ZNF362: variants seen among roughly 807,000 people sequenced by gnomAD.
The protein encoded by ZNF362 is zinc finger protein 362.
Under a neutral mutation model 42.9 loss-of-function variants are expected in ZNF362, and 11 were observed. The observed-to-expected ratio is 0.26, with a 90% confidence interval of 0.16 to 0.42. The LOEUF (loss-of-function observed/expected upper bound fraction) is 0.42, where lower values mean the gene tolerates loss of function less well. Ranked by LOEUF, ZNF362 falls within the 20% of genes least tolerant of loss-of-function variation. The pLI, the probability that ZNF362 is intolerant of heterozygous loss-of-function variation, is 1.00. For synonymous variants in ZNF362, 255 were observed against 257.3 expected, an observed-to-expected ratio of 0.99 and a Z score of 0.09; for missense variants, 362 against 576.2, an observed-to-expected ratio of 0.63 and a Z score of 3.81.
chr1:33,243,355 T>C, the ZNF362 span, among the ~76,000 whole-genome samples: 30 of 151,994 alleles, frequency 2.0e-4, no homozygotes, highest in South Asian at 4.2e-4. Context: ...TTTTGTATTT[T>C]TTTTTTTTTA....
At chr1:33,146,752 G>A in the ZNF362 span, 2 of 205,050 alleles carry the variant, frequency 9.8e-6, no homozygotes, top group South Asian at 1.8e-4. Context: ...TTGGTCAGGG[G>A]TAAGTCTTAG....
At chr1:33,175,218 T>C in the ZNF362 span, among the ~76,000 whole-genome samples, 1 of 151,526 alleles carries the variant, frequency 6.6e-6, no homozygotes, top group Non-Finnish European at 1.5e-5. Flanking sequence ...TTTTTTTTTT[T>C]TTGTATTTTT....
the ZNF362 span, among the ~76,000 whole-genome samples, chr1:33,200,945 A>T: frequency 3.3e-5 from 5 of 152,190 alleles, no homozygotes; most frequent in African/African-American, 1.2e-4. Flanking sequence ...CAGAGGGAAT[A>T]TGATGTGAAG....
the ZNF362 span, chr1:33,200,132 A>C: frequency 6.6e-6 from 1 of 152,286 alleles, no homozygotes; most frequent in Non-Finnish European, 1.5e-5. Context: ...TATAAGGGTC[A>C]TATTCTGTTT....
At chr1:33,194,330 G>T in the ZNF362 span, among the ~76,000 whole-genome samples, 1 of 152,044 alleles carries the variant, frequency 6.6e-6, no homozygotes. Flanking sequence ...AAGCCCAGGA[G>T]TTGGAGACCA....
At chr1:33,174,011 TA>T in the ZNF362 span, among the ~76,000 whole-genome samples, 1 of 152,048 alleles carries the variant, frequency 6.6e-6, no homozygotes, top group East Asian at 1.9e-4. Context: ...AGCCTCTTTT[TA>T]AAAAAAATTT....
intron 6 of ZNF362, among the ~76,000 whole-genome samples, chr1:33,283,807 A>G (rs1037864819): frequency 1.3e-5 from 2 of 152,224 alleles, no homozygotes; most frequent in African/African-American, 4.8e-5. Flanking sequence ...AAGTCTGACC[A>G]TGTAAGTTAG....
chr1:33,180,224 C>T, the ZNF362 span, among the ~76,000 whole-genome samples: 1 of 152,144 alleles, frequency 6.6e-6, no homozygotes, highest in Admixed American at 6.5e-5. Context: ...TCATCAAAAA[C>T]CTCTAGAGAC....
chr1:33,221,279 A>C, the ZNF362 span, among the ~76,000 whole-genome samples: 1 of 152,192 alleles, frequency 6.6e-6, no homozygotes, highest in South Asian at 2.1e-4. Flanking sequence ...ACCTGTCCTG[A>C]CTGTGGGTGG....
At chr1:33,232,583 A>T in the ZNF362 span, among the ~76,000 whole-genome samples, 1 of 152,134 alleles carries the variant, frequency 6.6e-6, no homozygotes, top group Non-Finnish European at 1.5e-5. Context: ...TTCACTGGAC[A>T]TTGTCATGTC....
intron 8 of ZNF362, 44 bp downstream of exon 8, chr1:33,295,349 C>T (rs182142214): frequency 1.8e-5 from 28 of 1,596,960 alleles, no homozygotes; most frequent in African/African-American, 1.1e-4. Flanking sequence ...GGAGCCACTT[C>T]GTCTTCCAGG....
At chr1:33,297,252 ACCT>A (rs1646131416) in intron 8 of ZNF362, among the ~76,000 whole-genome samples, 3 of 152,032 alleles carry the variant, frequency 2.0e-5, no homozygotes, top group Admixed American at 2.0e-4. Flanking sequence ...GTTTTCCATA[ACCT>A]CCTACACCAT....
Position 33,295,201 on chromosome 1 carries a change from C to T in ZNF362, c.1042C>T (p.Arg348Trp), listed in dbSNP as rs751340247. 3 of 1,614,214 alleles carry T rather than the reference C, an allele frequency of 1.9e-6. No homozygotes were observed. The highest frequency in any genetic ancestry group is 2.2e-5 in the East Asian group (1 of 44,872). Residue 348 changes from arginine (R) to tryptophan (W), a missense_variant, in exon 8 of 9, where the codon CGG (arginine) becomes TGG (tryptophan). Arg to Trp is a moderately radical substitution (Grantham distance 101, BLOSUM62 -3). Transcript: ENST00000539719. ...GCCCTACAAGTGTCCCAACTGCTAC[C>T]GGGCCTATTCGGACTCCGCTTCTTT... ...DKPYKCPNCY[R>W]AYSDSASLQI...
chr1:33,218,930 CAT>C, the ZNF362 span, among the ~76,000 whole-genome samples: 43 of 67,380 alleles, frequency 6.4e-4, no homozygotes, highest in African/African-American at 2.6e-3. Context: ...AGGAGCTGGA[CAT>C]ACACACACAC....
chr1:33,169,408 A>T, the ZNF362 span, among the ~76,000 whole-genome samples: 2 of 152,072 alleles, frequency 1.3e-5, no homozygotes, highest in African/African-American at 4.8e-5. Flanking sequence ...TTCGGTTTTT[A>T]TCACTTCTTT....
the ZNF362 span, chr1:33,181,229 C>G: frequency 6.4e-7 from 1 of 1,566,082 alleles, no homozygotes; most frequent in Non-Finnish European, 8.6e-7. The surrounding 1 kb of genome is among the most constrained non-coding windows in gnomAD (Gnocchi z 6.5). Context: ...CGATGTTGGC[C>G]AGCTTGAGGC....
At chr1:33,255,852 C>T (rs1645784178), upstream of ZNF362, among the ~76,000 whole-genome samples, 3 of 151,976 alleles carry the variant, frequency 2.0e-5, no homozygotes, top group Admixed American at 6.5e-5. Context: ...TCCAGGCGGC[C>T]GTCTTCGAGG....
chr1:33,224,175 G>T, the ZNF362 span, among the ~76,000 whole-genome samples: 1 of 152,256 alleles, frequency 6.6e-6, no homozygotes, highest in Admixed American at 6.5e-5. Flanking sequence ...CCAGATATTG[G>T]CACTGACTTT....
rs1645993387 is a variant in ZNF362, at chr1:33,281,434, C to G, written c.684-153C>G. Reference sequence around the variant, plus strand: ...ATTTAAGGGTGCCCAGGCTGGGAGACTGTCCCCTGTCTTTCCCAGGTGGTC... The same window carrying G: ...ATTTAAGGGTGCCCAGGCTGGGAGAGTGTCCCCTGTCTTTCCCAGGTGGTC... On this transcript the variant is annotated intron_variant, in intron 5 of 8. Coordinates refer to ENST00000539719, the MANE Select transcript of ZNF362 (RefSeq NM_152493.3). The surrounding 1 kb of genome is among the most constrained non-coding windows in gnomAD (Gnocchi z 4.8). 6.6e-6 allele frequency among the ~76,000 whole-genome samples: 1 copy of G among 152,160 alleles called. No individual in the cohort carries two copies. Among genetic ancestry groups the G allele is most frequent in the Admixed American group, 6.5e-5 (1 of 15,278 alleles).
Sources: allele counts gnomAD v4.1 joint callset (sites outside exome capture counted in the v4.1 genomes callset), GRCh38; gene constraint gnomAD v4.1.1; non-coding constraint Gnocchi (gnomAD v3.1); transcripts MANE v1.5; gene names NCBI Gene and HGNC (gene_info 2026-07-23, HGNC 2026-07-21).